CNTNAP2: variants seen among roughly 807,000 people sequenced by gnomAD.
The protein encoded by CNTNAP2 is contactin associated protein 2.
In CNTNAP2, 98 loss-of-function variants were observed where a neutral mutation model predicts 155.2. The ratio of observed to expected loss-of-function variants is 0.63; its 90% CI spans 0.54 to 0.75. The LOEUF (loss-of-function observed/expected upper bound fraction) is 0.75, where lower values mean the gene tolerates loss of function less well. Among genes scored for constraint, CNTNAP2 ranks in the 30% least tolerant of loss-of-function variants. The probability of loss-of-function intolerance (pLI) is 0.00; values close to 1 mark genes in which losing one functional copy is unlikely to be tolerated. For synonymous variants in CNTNAP2, 651 were observed against 631.2 expected, an observed-to-expected ratio of 1.03 and a Z score of -0.47; for missense variants, 1,727 against 1,688.1, an observed-to-expected ratio of 1.02 and a Z score of -0.40.
chr7:148,144,000 T>G (rs1163654394), intron 16 of CNTNAP2, among the ~76,000 whole-genome samples: 1 of 152,222 alleles, frequency 6.6e-6, no homozygotes, highest in Non-Finnish European at 1.5e-5. Context: ...TGGGTAGGGC[T>G]GTCCTTATGC....
rs956806588 is a variant in CNTNAP2, at chr7:146,366,172, T to C, written c.97+249199T>C. On this transcript the variant is annotated intron_variant, in intron 1 of 23. Transcript: ENST00000361727. ...GTGATTTTTGTGCATGAAAAAGTGA[T>C]AATGTGTTTTCTACTAGATTTAATC... Among the ~76,000 whole-genome samples the C allele has an allele frequency of 7.3e-4, 111 of 152,156 alleles. 2 individuals carry two copies. Among genetic ancestry groups the C allele is most frequent in the Admixed American group, 7.2e-3 (110 of 15,266 alleles).
At chr7:146,459,947 G>A (rs1248333175) in intron 1 of CNTNAP2, among the ~76,000 whole-genome samples, 3 of 152,106 alleles carry the variant, frequency 2.0e-5, no homozygotes, top group African/African-American at 7.2e-5. Flanking sequence ...TCCAGGCTGG[G>A]TGACAGAGCG....
At chr7:147,778,016 G>A (rs994127214) in intron 13 of CNTNAP2, among the ~76,000 whole-genome samples, 1 of 152,078 alleles carries the variant, frequency 6.6e-6, no homozygotes, top group South Asian at 2.1e-4. Context: ...CCTTGTTCCA[G>A]TTTACTCTCC....
intron 12 of CNTNAP2, among the ~76,000 whole-genome samples, chr7:147,575,371 GGTGTGTGTGTGTGT>G (rs149655952): frequency 1.0e-5 from 1 of 95,882 alleles, no homozygotes; most frequent in Non-Finnish European, 2.2e-5. Context: ...TAGCTTTAGG[GGTGTGTGTGTGTGT>G]GTGTGTGTGT....
At chr7:148,221,093 C>T (rs1196530599) in intron 19 of CNTNAP2, among the ~76,000 whole-genome samples, 5 of 152,236 alleles carry the variant, frequency 3.3e-5, no homozygotes, top group South Asian at 4.2e-4. Context: ...ACACACCCAC[C>T]GCTGCTGTGC....
At chr7:148,056,927 T>C (rs1803024150) in intron 15 of CNTNAP2, among the ~76,000 whole-genome samples, 1 of 152,208 alleles carries the variant, frequency 6.6e-6, no homozygotes, top group Non-Finnish European at 1.5e-5. Context: ...AGCCCAATCC[T>C]CATGTAAGCT....
intron 1 of CNTNAP2, among the ~76,000 whole-genome samples, chr7:146,607,112 T>G (rs1205897818): frequency 6.6e-6 from 1 of 152,116 alleles, no homozygotes; most frequent in African/African-American, 2.4e-5. Flanking sequence ...ATTTCTAACA[T>G]TATTATTAGA....
chr7:148,120,071 A>G (rs1387080599), intron 16 of CNTNAP2, among the ~76,000 whole-genome samples: 1 of 151,308 alleles, frequency 6.6e-6, no homozygotes, highest in Non-Finnish European at 1.5e-5. Context: ...TTTTATGGCC[A>G]CAAAAGAAAA....
intron 15 of CNTNAP2, among the ~76,000 whole-genome samples, chr7:148,039,466 T>C (rs1338701236): frequency 6.6e-6 from 1 of 152,152 alleles, no homozygotes; most frequent in East Asian, 1.9e-4. Context: ...GAAATAATTT[T>C]TACCAACTCT....
chr7:148,297,449 T>C (rs1345203453), intron 21 of CNTNAP2, among the ~76,000 whole-genome samples: 1 of 152,184 alleles, frequency 6.6e-6, no homozygotes, highest in East Asian at 1.9e-4. Context: ...CCACCTGTAG[T>C]AGAACAAATG....
chr7:147,179,524 G>A (rs1030355035), intron 8 of CNTNAP2, among the ~76,000 whole-genome samples: 21 of 152,148 alleles, frequency 1.4e-4, no homozygotes, highest in Non-Finnish European at 2.4e-4. Flanking sequence ...CCCAGGCTTG[G>A]CATGTGAGTG....
At chr7:148,287,949 G>T (rs368789143) in intron 21 of CNTNAP2, among the ~76,000 whole-genome samples, 1 of 151,236 alleles carries the variant, frequency 6.6e-6, no homozygotes, top group Admixed American at 6.6e-5. Flanking sequence ...GTGCCACCAC[G>T]CCCAGCTAAT....
chr7:146,545,559 C>T (rs187456046), intron 1 of CNTNAP2, among the ~76,000 whole-genome samples: 29 of 151,592 alleles, frequency 1.9e-4, no homozygotes, highest in Non-Finnish European at 3.5e-4. Flanking sequence ...TTCTTATTGT[C>T]CAACTCCCAC....
At chr7:147,422,484 A>G (rs571449431) in intron 10 of CNTNAP2, among the ~76,000 whole-genome samples, 5 of 152,124 alleles carry the variant, frequency 3.3e-5, no homozygotes, top group Admixed American at 2.0e-4. Context: ...TTACTCTGCT[A>G]TTATCCTAAA....
At chr7:147,474,149 G>A (rs1798274892) in intron 10 of CNTNAP2, among the ~76,000 whole-genome samples, 1 of 151,792 alleles carries the variant, frequency 6.6e-6, no homozygotes, top group South Asian at 2.1e-4. Flanking sequence ...GAATTACAAG[G>A]GATAAAGGGA....
intron 13 of CNTNAP2, among the ~76,000 whole-genome samples, chr7:147,865,284 A>G (rs1199414914): frequency 6.6e-6 from 1 of 152,164 alleles, no homozygotes; most frequent in Non-Finnish European, 1.5e-5. Flanking sequence ...AGCTGACTTG[A>G]TCATGGTGGA....
At chr7:146,245,528 C>T (rs539836031) in intron 1 of CNTNAP2, among the ~76,000 whole-genome samples, 14 of 152,202 alleles carry the variant, frequency 9.2e-5, no homozygotes, top group Admixed American at 9.2e-4. Flanking sequence ...CGCAGAAAGG[C>T]TACAGGGTGC....
At chr7:148,297,475 A>G (rs1399443826) in intron 21 of CNTNAP2, among the ~76,000 whole-genome samples, 1 of 152,148 alleles carries the variant, frequency 6.6e-6, no homozygotes, top group Non-Finnish European at 1.5e-5. Flanking sequence ...TTCTTCACTC[A>G]TTGCATCATG....
chr7:147,738,238 G>A (rs756663090), intron 13 of CNTNAP2, among the ~76,000 whole-genome samples: 5 of 152,134 alleles, frequency 3.3e-5, no homozygotes, highest in African/African-American at 7.2e-5. Context: ...TGGTAACAAC[G>A]GATTAAGAAT....
Sources: gnomAD v4.1 joint callset for allele counts (sites outside exome capture counted in the v4.1 genomes callset) on GRCh38, gnomAD v4.1.1 for gene constraint, MANE v1.5 for transcripts, NCBI Gene and HGNC (gene_info 2026-07-23, HGNC 2026-07-21) for gene names.